TRIM66: variants seen among roughly 807,000 people sequenced by gnomAD.
TRIM66 encodes tripartite motif-containing protein 66.
TRIM66 carries 99 observed loss-of-function variants against 148.2 expected under a neutral mutation model. The ratio of observed to expected loss-of-function variants is 0.67; its 90% CI spans 0.57 to 0.79. The LOEUF (loss-of-function observed/expected upper bound fraction) is 0.79. Ranked by LOEUF, TRIM66 falls within the 30% of genes least tolerant of loss-of-function variation. The pLI, the probability that TRIM66 is intolerant of heterozygous loss-of-function variation, is 0.00. For synonymous variants in TRIM66, 616 were observed against 635.9 expected (o/e 0.97, Z 0.47); for missense variants, 1,666 against 1,697.9 (o/e 0.98, Z 0.33).
intron 6 of TRIM66, among the ~76,000 whole-genome samples, chr11:8,657,180 G>A (rs746918356): frequency 1.1e-4 from 17 of 152,196 alleles, no homozygotes; most frequent in Admixed American, 4.6e-4. Context: ...CAGAAAGCTG[G>A]TATCGGGTCA....
intron 8 of TRIM66, among the ~76,000 whole-genome samples, 162 bp downstream of exon 8, chr11:8,649,578 C>T (rs1033576913): frequency 2.0e-5 from 3 of 152,190 alleles, no homozygotes; most frequent in Non-Finnish European, 4.4e-5. Context: ...GAGTGAGTCA[C>T]CCCTTTGACT....
In TRIM66 at chr11:8,621,128, G is replaced by A; in HGVS notation, c.3449C>T (p.Ala1150Val). 1 of 1,551,734 alleles carries A rather than the reference G, an allele frequency of 6.4e-7. No individual in the cohort carries two copies. Among genetic ancestry groups the A allele is most frequent in the Non-Finnish European group, 8.7e-7 (1 of 1,146,998 alleles). Residue 1150 changes from alanine to valine, a missense_variant, in exon 20 of 25, where the codon GCT (alanine) becomes GTT (valine). Ala to Val is a moderately conservative substitution (Grantham distance 64). This residue lies in a region of TRIM66 where 1,431 missense variants were observed against 1,412.4 expected (regional missense o/e 1.01). Coordinates refer to ENST00000646038, the MANE Select transcript of TRIM66 (RefSeq NM_001388022.1). Reference protein sequence around the residue: ...PAPIENEDFCAVCLNGGELLC... With the variant: ...PAPIENEDFCVVCLNGGELLC... ...TAACTCTCCGCCATTGAGGCAAACA[G>A]CACAGAAGTCCTCATTCTCTATTGG...
At chr11:8,682,970 CG>C, upstream of TRIM66, 1 of 1,058,406 alleles carries the variant, frequency 9.4e-7, no homozygotes. Flanking sequence ...GGGCCCGGGG[CG>C]GGGCTCCCGG....
chr11:8,639,778 G>A (rs1366436564), intron 14 of TRIM66, among the ~76,000 whole-genome samples: 3 of 152,210 alleles, frequency 2.0e-5, no homozygotes, highest in African/African-American at 4.8e-5. Context: ...AGTGCTGCCT[G>A]CCAGCATCTA....
chr11:8,621,265 C>T lies in TRIM66; in HGVS notation c.3312G>A (p.Lys1104=). The T allele has an allele frequency of 6.4e-7, 1 of 1,551,716 alleles. No homozygotes were observed. The highest frequency in any genetic ancestry group is 8.7e-7 in the Non-Finnish European group (1 of 1,147,004). The change falls in exon 20 of 25, where the codon AAG becomes AAA. Residue 1104 remains lysine (K), a synonymous_variant. Coordinates refer to ENST00000646038, the MANE Select transcript of TRIM66 (RefSeq NM_001388022.1). Reference sequence around the variant, plus strand: ...GCCCAGCCAAAGAAGTGACAGTGACCTTTCTTCCCTCCAGACCTGGGGCCT... The same window carrying T: ...GCCCAGCCAAAGAAGTGACAGTGACTTTTCTTCCCTCCAGACCTGGGGCCT... ...ATQAPGLEGR[K]VTVTSLAGQR...
In TRIM66 at chr11:8,614,370, T is replaced by C. The variant is rs1277929032; in HGVS notation, c.*3574A>G. On this transcript the variant is annotated 3_prime_UTR_variant, in exon 25 of 25. Transcript: ENST00000646038. ...AATAAAAAATAAATAAATAAATAAATAAATAAAGTTGAAGGGCATGAGAAA... is the reference window on the plus strand; with the variant it reads ...AATAAAAAATAAATAAATAAATAAACAAATAAAGTTGAAGGGCATGAGAAA... 6 of 151,768 alleles carry C rather than the reference T, an allele frequency of 4.0e-5. No individual in the cohort carries two copies. The highest frequency in any genetic ancestry group is 1.5e-4 in the African/African-American group (6 of 41,262). 9.4% of individuals were successfully genotyped at this position (151,768 alleles called of 1,614,324 possible).
intron 6 of TRIM66, chr11:8,658,654 G>A (rs1385500776): frequency 6.5e-6 from 3 of 461,922 alleles, no homozygotes; most frequent in Non-Finnish European, 8.5e-6. Context: ...CAGCAGCGGT[G>A]CCTGCACAGC....
chr11:8,659,520 A>C (rs1461742723), intron 6 of TRIM66, among the ~76,000 whole-genome samples: 1 of 152,168 alleles, frequency 6.6e-6, no homozygotes, highest in African/African-American at 2.4e-5. Context: ...GGAAGAGAGC[A>C]GTGGCCAAAT....
chr11:8,630,892 A>G (rs1001720590), intron 15 of TRIM66, among the ~76,000 whole-genome samples: 1 of 152,154 alleles, frequency 6.6e-6, no homozygotes, highest in Non-Finnish European at 1.5e-5. Flanking sequence ...AACCTCTGCT[A>G]CTAGTCACCT....
Position 8,640,465 on chromosome 11 carries a change from T to G in TRIM66, c.1910A>C (p.Gln637Pro), listed in dbSNP as rs774723105. 2.6e-6 allele frequency: 4 copies of G among 1,546,454 alleles called. No homozygotes were observed. In the South Asian group the frequency reaches 4.8e-5, roughly 18 times the overall value. ...GGCAGGGCCAGGAGGGCTCTCGTGC[T>G]GACTAGAAGCCAGATGCTGGGATGG... Reference protein sequence around the residue: ...LPPSQHLASSQHESPPGPACS... With the variant: ...LPPSQHLASSPHESPPGPACS... Residue 637 changes from glutamine (Q) to proline (P), a missense_variant, in exon 14 of 25, where the codon CAG becomes CCG. Physicochemically the swap from Gln to Pro is moderately conservative, Grantham distance 76. Around this residue, in one of 3 missense-constraint regions of TRIM66, gnomAD observed 1,431 missense variants for 1,412.4 expected, o/e 1.01. Coordinates refer to ENST00000646038, the MANE Select transcript of TRIM66 (RefSeq NM_001388022.1).
intron 13 of TRIM66, 100 bp downstream of exon 13, chr11:8,642,909 A>C: frequency 4.6e-6 from 2 of 433,492 alleles, no homozygotes; most frequent in Non-Finnish European, 7.7e-6. Context: ...AGTCCCAGAG[A>C]GTGCTTTCTC....
Position 8,652,982 on chromosome 11 carries a change from G to A in TRIM66, c.341-1079C>T, listed in dbSNP as rs568582149. Among the ~76,000 whole-genome samples, 133 of 152,272 alleles carry A rather than the reference G, an allele frequency of 8.7e-4. 2 individuals carry two copies. In the Middle Eastern group the frequency reaches 0.02, roughly 23 times the overall value. On this transcript the variant is annotated intron_variant, in intron 6 of 24. Coordinates refer to ENST00000646038, the MANE Select transcript of TRIM66 (RefSeq NM_001388022.1). ...CCCAGTTTCTTCATATGTAAAATAG[G>A]GAAAATAAGAGTTGCTGTGCACATT...
rs2033754841 is a variant in TRIM66, at chr11:8,616,877, G to C, written c.*1067C>G. 1 of 152,336 alleles carries C rather than the reference G, an allele frequency of 6.6e-6. No homozygotes were observed. The highest frequency in any genetic ancestry group is 2.1e-4 in the South Asian group (1 of 4,826). The allele number at this position is 152,336 out of a possible 1,614,324, so 9.4% of individuals were successfully genotyped here. A position where few individuals can be genotyped will look rare whatever the true frequency, so the allele number is the denominator to read the frequency against. ...AGACAGCCTGGAGGCGGGCTGGTCAGAAGACTCACTTCTGATCTTTGGCTC... is the reference window on the plus strand; with the variant it reads ...AGACAGCCTGGAGGCGGGCTGGTCACAAGACTCACTTCTGATCTTTGGCTC... On this transcript the variant is annotated 3_prime_UTR_variant, in exon 25 of 25. Transcript: ENST00000646038.
intron 15 of TRIM66, among the ~76,000 whole-genome samples, chr11:8,630,951 G>A (rs966349355): frequency 6.6e-6 from 1 of 152,056 alleles, no homozygotes; most frequent in African/African-American, 2.4e-5. Context: ...CCTGTGCTCT[G>A]TCACCTGCTG....
chr11:8,629,620 T>C (rs576678566), intron 15 of TRIM66, among the ~76,000 whole-genome samples: 1 of 152,246 alleles, frequency 6.6e-6, no homozygotes, highest in African/African-American at 2.4e-5. Context: ...AACATAATGA[T>C]AGGGGAGAGG....
chr11:8,635,220 T>G (rs1276818729), intron 15 of TRIM66, among the ~76,000 whole-genome samples: 1 of 152,180 alleles, frequency 6.6e-6, no homozygotes, highest in East Asian at 1.9e-4. Context: ...TGCATAACTC[T>G]TAGGTGGGTC....
rs187295021 is a variant in TRIM66, at chr11:8,656,763, G to A, written c.341-4860C>T. Among the ~76,000 whole-genome samples the A allele has an allele frequency of 5.0e-4, 76 of 152,312 alleles. 1 individual carries two copies. The South Asian group carries it at 7.0e-3, about 14-fold the overall frequency. ...TGGCTGAGCCTGATAGCTGTCTCCTGTATCATGCAGCTGAGAAAGGCAGGC... is the reference window on the plus strand; with the variant it reads ...TGGCTGAGCCTGATAGCTGTCTCCTATATCATGCAGCTGAGAAAGGCAGGC... On this transcript the variant is annotated intron_variant, in intron 6 of 24. Transcript: ENST00000646038.
At chr11:8,665,074 C>T (rs1402353519) in intron 6 of TRIM66, among the ~76,000 whole-genome samples, 4 of 151,966 alleles carry the variant, frequency 2.6e-5, no homozygotes, top group African/African-American at 9.7e-5. Flanking sequence ...AGCCTCTATC[C>T]GCCTCCCCTG....
chr11:8,644,725 A>G (rs2133157388), intron 12 of TRIM66, among the ~76,000 whole-genome samples: 1 of 152,206 alleles, frequency 6.6e-6, no homozygotes, highest in South Asian at 2.1e-4. Flanking sequence ...CCATCTTCTC[A>G]GGCTATGTTT....
Sources: allele counts gnomAD v4.1 joint callset (sites outside exome capture counted in the v4.1 genomes callset), GRCh38; gene constraint gnomAD v4.1.1; regional missense constraint gnomAD v4.1.1; transcripts MANE v1.5; gene names NCBI Gene and HGNC (gene_info 2026-07-23, HGNC 2026-07-21).